TNKS: variants seen among roughly 807,000 people sequenced by gnomAD.
TNKS encodes the protein poly [ADP-ribose] polymerase tankyrase-1.
In TNKS, 72 loss-of-function variants were observed where a neutral mutation model predicts 135.8. The ratio of observed to expected loss-of-function variants is 0.53; its 90% CI spans 0.44 to 0.64. The LOEUF (loss-of-function observed/expected upper bound fraction) is 0.64, where lower values mean the gene tolerates loss of function less well. TNKS is among the 30% of genes least tolerant of loss of function. The pLI, the probability that TNKS is intolerant of heterozygous loss-of-function variation, is 0.00. For synonymous variants in TNKS, 849 were observed against 649.3 expected (o/e 1.31, Z -4.68); for missense variants, 1,769 against 1,674.0 (o/e 1.06, Z -0.99).
At chr8:9,682,991 G>A (rs956447837) in intron 5 of TNKS, among the ~76,000 whole-genome samples, 1 of 151,488 alleles carries the variant, frequency 6.6e-6, no homozygotes, top group African/African-American at 2.4e-5. Context: ...GATTATCAGG[G>A]TTTTTTTCAA....
chr8:9,672,711 C>CAAAAAAAA (rs6150458), intron 3 of TNKS, among the ~76,000 whole-genome samples: 4 of 85,232 alleles, frequency 4.7e-5, no homozygotes, highest in East Asian at 3.2e-4. Flanking sequence ...CACACACACA[C>CAAAAAAAA]AAAAAAAAAA....
chr8:9,572,060 C>A (rs1797776474), intron 1 of TNKS, among the ~76,000 whole-genome samples: 1 of 152,118 alleles, frequency 6.6e-6, no homozygotes. Flanking sequence ...AGTCTTGAGA[C>A]AGGATAGATT....
At chr8:9,689,854 C>T (rs1184098818) in intron 5 of TNKS, among the ~76,000 whole-genome samples, 1 of 152,126 alleles carries the variant, frequency 6.6e-6, no homozygotes, top group Non-Finnish European at 1.5e-5. Flanking sequence ...CGATTCCCTC[C>T]TATGTAATTA....
intron 26 of TNKS, among the ~76,000 whole-genome samples, chr8:9,772,026 G>A (rs1290453709): frequency 8.2e-6 from 1 of 121,850 alleles, no homozygotes; most frequent in African/African-American, 3.2e-5. Flanking sequence ...GAGGGAGAAA[G>A]GGAGGGAGTG....
At chr8:9,677,988 A>G (rs967788007) in intron 3 of TNKS, among the ~76,000 whole-genome samples, 54 of 152,006 alleles carry the variant, frequency 3.6e-4, no homozygotes, top group African/African-American at 1.2e-3. Context: ...TTGACCCCCA[A>G]CTACCCTTCC....
intron 26 of TNKS, among the ~76,000 whole-genome samples, chr8:9,772,741 T>C (rs1399993560): frequency 6.6e-6 from 1 of 151,776 alleles, no homozygotes; most frequent in Non-Finnish European, 1.5e-5. Flanking sequence ...CTGGCATATT[T>C]AGGGATAAAG....
intron 3 of TNKS, among the ~76,000 whole-genome samples, chr8:9,631,618 C>G (rs968523917): frequency 4.6e-5 from 7 of 152,120 alleles, no homozygotes; most frequent in African/African-American, 1.7e-4. Flanking sequence ...CTCATTCATT[C>G]TAGTCTACAG....
chr8:9,773,769 T>C (rs1240929782), intron 26 of TNKS, among the ~76,000 whole-genome samples: 1 of 152,176 alleles, frequency 6.6e-6, no homozygotes, highest in Non-Finnish European at 1.5e-5. Flanking sequence ...GCATTTATTT[T>C]ATTTCCGGGG....
intron 1 of TNKS, chr8:9,575,035 C>G (rs1354149351): frequency 3.0e-5 from 30 of 985,318 alleles, no homozygotes; most frequent in Non-Finnish European, 3.6e-5. Flanking sequence ...CTATGTGTGC[C>G]TGGATTGCCT....
chr8:9,590,622 GT>G (rs979663868), intron 2 of TNKS, among the ~76,000 whole-genome samples: 7 of 152,178 alleles, frequency 4.6e-5, no homozygotes, highest in African/African-American at 1.7e-4. Flanking sequence ...TGCCTACTCT[GT>G]GCCAGAACCT....
intron 11 of TNKS, among the ~76,000 whole-genome samples, chr8:9,714,372 G>A (rs1804495126): frequency 6.6e-6 from 1 of 151,212 alleles, no homozygotes; most frequent in African/African-American, 2.4e-5. Context: ...ATATAAATAT[G>A]TAGTATAGTG....
intron 2 of TNKS, among the ~76,000 whole-genome samples, chr8:9,613,320 G>A (rs1177182010): frequency 1.3e-5 from 2 of 152,170 alleles, no homozygotes; most frequent in East Asian, 3.9e-4. Context: ...GAGCTGATGG[G>A]GATTGTCATG....
chr8:9,685,084 T>G (rs978433772), intron 5 of TNKS, among the ~76,000 whole-genome samples: 1 of 152,130 alleles, frequency 6.6e-6, no homozygotes, highest in Non-Finnish European at 1.5e-5. Flanking sequence ...TCTTTAAGTG[T>G]CAACTTTCTG....
chr8:9,709,885 C>A, intron 9 of TNKS, 70 bp from the exon 10 acceptor site: 1 of 1,158,116 alleles, frequency 8.6e-7, no homozygotes, highest in Non-Finnish European at 1.3e-6. Context: ...TCAGCAGATA[C>A]TGTTCAATTC....
chr8:9,714,564 AATCAAGACTGTAGTAG>A lies in TNKS; in HGVS notation c.1749+4347_1749+4362del, dbSNP rs374842953. Among the ~76,000 whole-genome samples, 31 of 152,358 alleles carry A rather than the reference AATCAAGACTGTAGTAG, an allele frequency of 2.0e-4. No individual in the cohort carries two copies. The East Asian group carries it at 5.8e-3, about 28-fold the overall frequency. On this transcript the variant is annotated intron_variant, in intron 11 of 26. Coordinates refer to ENST00000310430, the MANE Select transcript of TNKS (RefSeq NM_003747.3). ...CTCCATAAATATTGGCATGCAAAAT[AATCAAGACTGTAGTAG>A]ATACTGTGGAAAATACCAGTTTGAA...
At chr8:9,752,221 T>C (rs1172541638) in intron 19 of TNKS, among the ~76,000 whole-genome samples, 1 of 152,138 alleles carries the variant, frequency 6.6e-6, no homozygotes, top group Non-Finnish European at 1.5e-5. Context: ...TAGCATTCTG[T>C]AGTATAAGAA....
chr8:9,629,402 T>C (rs879760318), intron 3 of TNKS, among the ~76,000 whole-genome samples: 4 of 152,216 alleles, frequency 2.6e-5, no homozygotes, highest in Admixed American at 2.6e-4. Context: ...TTAAAAATGT[T>C]AACTAGTTTA....
chr8:9,614,883 T>C (rs2128765105), intron 2 of TNKS, among the ~76,000 whole-genome samples: 1 of 152,302 alleles, frequency 6.6e-6, no homozygotes, highest in East Asian at 1.9e-4. Context: ...AACCTCCATA[T>C]TTAAGAATTC....
intron 5 of TNKS, among the ~76,000 whole-genome samples, chr8:9,697,284 A>G (rs1803561847): frequency 6.6e-6 from 1 of 152,172 alleles, no homozygotes; most frequent in Non-Finnish European, 1.5e-5. Context: ...ACCTTTCCTC[A>G]TATACAAAAG....
Sources: allele counts gnomAD v4.1 joint callset (sites outside exome capture counted in the v4.1 genomes callset), GRCh38; gene constraint gnomAD v4.1.1; transcripts MANE v1.5; gene names NCBI Gene and HGNC (gene_info 2026-07-23, HGNC 2026-07-21).